SPATA31D1: variants seen among roughly 807,000 people sequenced by gnomAD.
SPATA31D1 encodes the protein SPATA31 subfamily D member 1, also known as spermatogenesis-associated protein 31D1.
SPATA31D1 carries 6 observed loss-of-function variants against 13.2 expected under a neutral mutation model. The ratio of observed to expected loss-of-function variants is 0.46; its 90% confidence interval spans 0.25 to 0.90. The LOEUF is 0.90. Among genes scored for constraint, SPATA31D1 ranks in the 40% least tolerant of loss-of-function variants. The pLI, the probability that SPATA31D1 is intolerant of heterozygous loss-of-function variation, is 0.18. For synonymous variants in SPATA31D1, 903 were observed against 718.8 expected (o/e 1.26, Z -4.10); for missense variants, 2,445 against 1,884.7 (o/e 1.30, Z -5.50).
chr9:81,992,439 C>T lies in SPATA31D1; in HGVS notation c.1969C>T (p.Pro657Ser), dbSNP rs527382695. 3 of 1,612,838 alleles carry T rather than the reference C, an allele frequency of 1.9e-6. No individual in the cohort carries two copies. In the Admixed American group the frequency reaches 5.0e-5, roughly 27 times the overall value. The stretch of plus-strand genomic sequence containing the variant: ...AGACTTTTGTCCTCCAGCTCCCAAT[C>T]CTGAATTGGTCAGAAAGTCCTTCAA... ...QEDFCPPAPN[P>S]ELVRKSFKVH... The change falls in exon 4 of 4, where the codon CCT (proline) becomes TCT (serine). Residue 657 changes from proline (P) to serine (S), a missense_variant. Pro to Ser is a moderately conservative substitution (Grantham distance 74). Transcript: ENST00000344803.
chr9:81,993,920 C>A lies in SPATA31D1; in HGVS notation c.3450C>A (p.Thr1150=). The A allele has an allele frequency of 6.2e-7, 1 of 1,613,776 alleles. No individual in the cohort carries two copies. The highest frequency in any genetic ancestry group is 8.5e-7 in the Non-Finnish European group (1 of 1,179,784). Residue 1150 remains threonine, a synonymous_variant, in exon 4 of 4, where the codon ACC becomes ACA. Coordinates refer to ENST00000344803, the MANE Select transcript of SPATA31D1 (RefSeq NM_001001670.3). ...LQGSRKTFPV[T]NALQSQTRNN... is the part of the protein sequence containing the mutation. ...GCAGTAGAAAGACCTTTCCTGTCACCAATGCTCTTCAATCACAAACTAGGA... is the reference window on the plus strand; with the variant it reads ...GCAGTAGAAAGACCTTTCCTGTCACAAATGCTCTTCAATCACAAACTAGGA...
In SPATA31D1 at chr9:81,994,188, A is replaced by G. The variant is rs373914720; in HGVS notation, c.3718A>G (p.Asn1240Asp). The G allele has an allele frequency of 3.1e-6, 5 of 1,614,024 alleles. No homozygotes were observed. The highest frequency in any genetic ancestry group is 1.1e-5 in the South Asian group (1 of 91,088). The change falls in exon 4 of 4, where the codon AAT becomes GAT. Residue 1240 changes from asparagine to aspartate, a missense_variant. Coordinates refer to ENST00000344803, the MANE Select transcript of SPATA31D1 (RefSeq NM_001001670.3). ...CTTGAGTTCCAAGGACTTACTGACT[A>G]ATTCCCAGGGCATCTCGAGTGGGGA... ...DNLSSKDLLTNSQGISSGDMG... is the reference protein window; with the variant it reads ...DNLSSKDLLTDSQGISSGDMG...
chr9:81,989,786 C>T lies in SPATA31D1; in HGVS notation c.195C>T (p.Gly65=), dbSNP rs1305910487. The part of the protein sequence containing the change: ...EKNNDIQKHQ[G]RAKRRRKGGT... ...CTGTCTTTTGTTCTCAGCATCAGGG[C>T]AGAGCCAAGAGGAGAAGGAAAGGTG... Residue 65 remains glycine, a synonymous_variant, in exon 2 of 4, where the codon GGC becomes GGT. Transcript: ENST00000344803. The T allele has an allele frequency of 6.2e-7, 1 of 1,613,690 alleles. No homozygotes were observed. Among genetic ancestry groups the T allele is most frequent in the Admixed American group, 1.7e-5 (1 of 60,010 alleles).
chr9:81,988,716 C>T (rs1161818322), upstream of SPATA31D1: 5 of 1,570,066 alleles, frequency 3.2e-6, no homozygotes, highest in Admixed American at 3.5e-5. Context: ...CCCTTAGAAA[C>T]CTTCTGTGAC....
Position 81,989,784 on chromosome 9 carries a change from G to A in SPATA31D1, c.193G>A (p.Gly65Ser), listed in dbSNP as rs767569791. Residue 65 changes from glycine to serine, a missense_variant, in exon 2 of 4, where the codon GGC (glycine) becomes AGC (serine). Coordinates refer to ENST00000344803, the MANE Select transcript of SPATA31D1 (RefSeq NM_001001670.3). The stretch of plus-strand genomic sequence containing the variant: ...ATCTGTCTTTTGTTCTCAGCATCAG[G>A]GCAGAGCCAAGAGGAGAAGGAAAGG... ...EKNNDIQKHQ[G>S]RAKRRRKGGT... The A allele has an allele frequency of 6.2e-7, 1 of 1,613,694 alleles. No homozygotes were observed. The highest frequency in any genetic ancestry group is 1.1e-5 in the South Asian group (1 of 91,078).
chr9:81,988,732 C>T, upstream of SPATA31D1: 1 of 1,598,626 alleles, frequency 6.3e-7, no homozygotes, highest in Non-Finnish European at 8.5e-7. Context: ...GTGACTCTTC[C>T]ATGCTCTGTG....
Position 81,992,675 on chromosome 9 carries a change from T to C in SPATA31D1, c.2205T>C (p.Ser735=). ...GAATTCATGGACCGTTAAATATCTC[T>C]TTGGTTGAGGGTCAGAGGTGCAATG... ...SERIHGPLNI[S]LVEGQRCNVL... Residue 735 remains serine, a synonymous_variant, in exon 4 of 4, where the codon TCT becomes TCC. Transcript: ENST00000344803. 6.2e-7 allele frequency: 1 copy of C among 1,613,776 alleles called. No homozygotes were observed. Among genetic ancestry groups the C allele is most frequent in the Non-Finnish European group, 8.5e-7 (1 of 1,179,718 alleles).
In SPATA31D1 at chr9:81,994,039, C is replaced by A. The variant is rs1353707106; in HGVS notation, c.3569C>A (p.Ser1190Ter). ...ACTGAAATTTTCCCACCAAGAATAT[C>A]AGTTCCTCAAGATCCTAAATCATCA... is the stretch of plus-strand genomic sequence containing the variant. ...NETEIFPPRI[S>*]VPQDPKSSYL... The change falls in exon 4 of 4, where the codon TCA (serine) becomes TAA (stop). Residue 1190 changes from serine to a stop codon, truncating the protein, a stop_gained. Transcript: ENST00000344803. LOFTEE classifies it low-confidence loss of function (END_TRUNC). The A allele has an allele frequency of 2.5e-6, 4 of 1,613,844 alleles. No homozygotes were observed. Among genetic ancestry groups the A allele is most frequent in the Non-Finnish European group, 1.7e-6 (2 of 1,179,778 alleles).
At position 81,993,520 on chromosome 9, in the gene SPATA31D1, C is replaced by A. The variant is rs1280608563; in HGVS notation, c.3050C>A (p.Ser1017Tyr). Residue 1017 changes from serine to tyrosine, a missense_variant, in exon 4 of 4, where the codon TCC becomes TAC. Physicochemically the swap from Ser to Tyr is moderately radical, Grantham distance 144. Transcript: ENST00000344803. ...GACCATGACCTTATAGAGACAGATTCCAAAGACGGGGCCTCCACATCCCTT... is the reference window on the plus strand; with the variant it reads ...GACCATGACCTTATAGAGACAGATTACAAAGACGGGGCCTCCACATCCCTT... ...DTDHDLIETD[S>Y]KDGASTSLRR... 4.3e-6 allele frequency: 7 copies of A among 1,613,428 alleles called. No homozygotes were observed. The highest frequency in any genetic ancestry group is 5.9e-6 in the Non-Finnish European group (7 of 1,179,802).
Position 81,992,780 on chromosome 9 carries a change from G to A in SPATA31D1, c.2310G>A (p.Gly770=), listed in dbSNP as rs183138674. Residue 770 remains glycine, a synonymous_variant, in exon 4 of 4, where the codon GGG becomes GGA. Coordinates refer to ENST00000344803, the MANE Select transcript of SPATA31D1 (RefSeq NM_001001670.3). ...SSNMLSMENV[G]NYQGYSQETV... Reference sequence around the variant, plus strand: ...ATATGCTTTCCATGGAGAATGTGGGGAATTATCAGGGATACAGCCAGGAGA... The same window carrying A: ...ATATGCTTTCCATGGAGAATGTGGGAAATTATCAGGGATACAGCCAGGAGA... The A allele has an allele frequency of 5.8e-4, 938 of 1,613,794 alleles. 3 individuals are homozygous for A. The East Asian group carries it at 0.013, about 22-fold the overall frequency.
intron 2 of SPATA31D1, 40 bp from the exon 3 acceptor site, chr9:81,990,377 C>T (rs775004664): frequency 1.2e-5 from 17 of 1,476,172 alleles, no homozygotes; most frequent in South Asian, 5.0e-5. Context: ...CTGTATGAGC[C>T]GTGTGCCTCT....
chr9:81,988,842 G>C lies in SPATA31D1; in HGVS notation c.24G>C (p.Leu8=), dbSNP rs1323428284. 1 of 1,612,614 alleles carries C rather than the reference G, an allele frequency of 6.2e-7. No homozygotes were observed. The highest frequency in any genetic ancestry group is 8.5e-7 in the Non-Finnish European group (1 of 1,179,730). Residue 8 remains leucine, a synonymous_variant, in exon 1 of 4, where the codon CTG becomes CTC. Coordinates refer to ENST00000344803, the MANE Select transcript of SPATA31D1 (RefSeq NM_001001670.3). ...CCATGGAGAATATCCTCTGTTTTCT[G>C]AACAGCTATACTGAGACAGGGCTGA... is the stretch of plus-strand genomic sequence containing the variant. The part of the protein sequence containing the change: MENILCF[L]NSYTETGLSP...
At position 81,991,668 on chromosome 9, in the gene SPATA31D1, G is replaced by C. The variant is rs764307412; in HGVS notation, c.1198G>C (p.Glu400Gln). The change falls in exon 4 of 4, where the codon GAG (glutamate) becomes CAG (glutamine). Residue 400 changes from glutamate (E) to glutamine (Q), a missense_variant. Physicochemically the swap from Glu to Gln is conservative, Grantham distance 29. Coordinates refer to ENST00000344803, the MANE Select transcript of SPATA31D1 (RefSeq NM_001001670.3). ...LGGHSVANLI[E>Q]PVNISFLSHD... The stretch of plus-strand genomic sequence containing the variant: ...GGGGCACTCTGTGGCCAACCTCATA[G>C]AGCCTGTTAACATCTCATTTCTCAG... The C allele has an allele frequency of 5.6e-5, 91 of 1,613,912 alleles. No homozygotes were observed. In the Middle Eastern group the frequency reaches 9.9e-4, roughly 18 times the overall value.
chr9:81,992,656 A>C lies in SPATA31D1; in HGVS notation c.2186A>C (p.His729Pro). The part of the protein sequence containing the change: ...ISELSVSERI[H>P]GPLNISLVEG... ...GAGCTATCTGTGTCAGAGAGAATTC[A>C]TGGACCGTTAAATATCTCTTTGGTT... The change falls in exon 4 of 4, where the codon CAT becomes CCT. Residue 729 changes from histidine (H) to proline (P), a missense_variant. Physicochemically the swap from His to Pro is moderately conservative, Grantham distance 77. Transcript: ENST00000344803. The C allele has an allele frequency of 6.2e-7, 1 of 1,613,860 alleles. No individual in the cohort carries two copies. Among genetic ancestry groups the C allele is most frequent in the East Asian group, 2.2e-5 (1 of 44,878 alleles).
Position 81,988,922 on chromosome 9 carries a change from T to G in SPATA31D1, c.104T>G (p.Leu35Trp). The part of the protein sequence containing the change: ...IDPNFICLSG[L>W]GLFILYLFYV... ...CCCAACTTCATCTGCTTGAGTGGGT[T>G]GGGGTTGTTTATACTGTACTTGTTC... is the stretch of plus-strand genomic sequence containing the variant. The change falls in exon 1 of 4, where the codon TTG becomes TGG. Residue 35 changes from leucine to tryptophan, a missense_variant. Physicochemically the swap from Leu to Trp is moderately conservative, Grantham distance 61. Coordinates refer to ENST00000344803, the MANE Select transcript of SPATA31D1 (RefSeq NM_001001670.3). 6.2e-7 allele frequency: 1 copy of G among 1,612,610 alleles called. No individual in the cohort carries two copies. The highest frequency in any genetic ancestry group is 1.3e-5 in the African/African-American group (1 of 75,004).
chr9:81,992,641 T>C lies in SPATA31D1; in HGVS notation c.2171T>C (p.Val724Ala), dbSNP rs1436450138. 6.2e-7 allele frequency: 1 copy of C among 1,613,738 alleles called. No individual in the cohort carries two copies. Among genetic ancestry groups the C allele is most frequent in the Non-Finnish European group, 8.5e-7 (1 of 1,179,736 alleles). ...CAGAGCAAAATTTCAGAGCTATCTG[T>C]GTCAGAGAGAATTCATGGACCGTTA... ...RPQSKISELS[V>A]SERIHGPLNI... is the part of the protein sequence containing the mutation. Residue 724 changes from valine to alanine, a missense_variant, in exon 4 of 4, where the codon GTG becomes GCG. Transcript: ENST00000344803.
At chr9:81,989,588 G>T (rs1587526613) in intron 1 of SPATA31D1, among the ~76,000 whole-genome samples, 190 bp from the exon 2 acceptor site, 1 of 152,226 alleles carries the variant, frequency 6.6e-6, no homozygotes, top group East Asian at 1.9e-4. Flanking sequence ...CTTCTTTGAG[G>T]ATTTTTCAGA....
chr9:81,993,025 G>A lies in SPATA31D1; in HGVS notation c.2555G>A (p.Ser852Asn). ...NEGRMPGTVH[S>N]SWHSVKQTMS... ...GGTCGAATGCCTGGGACTGTGCATA[G>A]TTCATGGCACTCAGTCAAGCAGACA... The change falls in exon 4 of 4, where the codon AGT becomes AAT. Residue 852 changes from serine to asparagine, a missense_variant. By Grantham distance (46) the Ser-to-Asn change is conservative. Transcript: ENST00000344803. The A allele has an allele frequency of 6.2e-7, 1 of 1,613,804 alleles. No homozygotes were observed. The highest frequency in any genetic ancestry group is 8.5e-7 in the Non-Finnish European group (1 of 1,179,734).
rs61119216 is a variant in SPATA31D1, at chr9:81,989,684, T to TAATG, written c.187-64_187-61dup. 1.1e-3 allele frequency: 1,380 copies of TAATG among 1,217,566 alleles called. 2 individuals are homozygous for TAATG. Among genetic ancestry groups the TAATG allele is most frequent in the Admixed American group, 4.7e-3 (251 of 53,590 alleles). The allele number at this position is 1,217,566 out of a possible 1,614,324, so 75.4% of individuals were successfully genotyped here. A position where few individuals can be genotyped will look rare whatever the true frequency, so the allele number is the denominator to read the frequency against. ...TTAATTAAAGAGTAATATTCTTGTA[T>TAATG]AATGAATGAATGAATGAATGAATGA... On this transcript the variant is annotated intron_variant, in intron 1 of 3. Transcript: ENST00000344803.
Sources: gnomAD v4.1 joint callset for allele counts (sites outside exome capture counted in the v4.1 genomes callset) on GRCh38, gnomAD v4.1.1 for gene constraint, MANE v1.5 for transcripts, NCBI Gene and HGNC (gene_info 2026-07-23, HGNC 2026-07-21) for gene names.